ARHGEF19: variants seen among roughly 807,000 people sequenced by gnomAD.
ARHGEF19 encodes the protein Rho guanine nucleotide exchange factor 19.
In ARHGEF19, 92 loss-of-function variants were observed where a neutral mutation model predicts 87.6. The ratio of observed to expected loss-of-function variants is 1.05; its 90% confidence interval spans 0.89 to 1.25. The LOEUF (loss-of-function observed/expected upper bound fraction) is 1.25, where lower values mean the gene tolerates loss of function less well. Among genes scored for constraint, ARHGEF19 ranks in the 50% most tolerant of loss-of-function variants. The pLI is 0.00. For missense variants in ARHGEF19, 1,054 were observed against 1,051.8 expected, an observed-to-expected ratio of 1.00 and a Z score of -0.03; for synonymous variants, 438 against 446.2, an observed-to-expected ratio of 0.98 and a Z score of 0.23.
Position 16,206,520 on chromosome 1 carries a change from G to A in ARHGEF19, c.1138-180C>T. ...CGTCCCGCCGCGGGAAATTGTGCAA[G>A]CCTTTCCTGTCCTCGATCCCGCCCC... On this transcript the variant is annotated intron_variant, in intron 6 of 15. Transcript: ENST00000270747. This position sits in a 1 kb window ranked among gnomAD's most constrained non-coding sequence, Gnocchi z 4.6. The A allele has an allele frequency of 1.5e-6, 1 of 670,754 alleles. No homozygotes were observed. The highest frequency in any genetic ancestry group is 2.6e-6 in the Non-Finnish European group (1 of 388,606). 41.6% of individuals were successfully genotyped at this position (670,754 alleles called of 1,614,324 possible). A position where few individuals can be genotyped will look rare whatever the true frequency, so the allele number is the denominator to read the frequency against.
Position 16,207,137 on chromosome 1 carries a change from G to T in ARHGEF19, c.948C>A (p.Gly316=). The T allele has an allele frequency of 6.5e-7, 1 of 1,527,124 alleles. No homozygotes were observed. Among genetic ancestry groups the T allele is most frequent in the Non-Finnish European group, 8.8e-7 (1 of 1,140,898 alleles). 94.6% of individuals were successfully genotyped at this position (1,527,124 alleles called of 1,614,324 possible). ...ELRRQQREEE[G]PGDEAEGAEE... ...CTGCGCCCTCGGCCTCGTCCCCCGGGCCCTCCTCCTCGCGCTGCTGCCGCC... is the reference window on the plus strand; with the variant it reads ...CTGCGCCCTCGGCCTCGTCCCCCGGTCCCTCCTCCTCGCGCTGCTGCCGCC... The change falls in exon 6 of 16, where the codon GGC becomes GGA. Residue 316 remains glycine, a synonymous_variant. Transcript: ENST00000270747. This position sits in a 1 kb window ranked among gnomAD's most constrained non-coding sequence, Gnocchi z 4.0.
At position 16,204,752 on chromosome 1, in the gene ARHGEF19, G is replaced by A. The variant is rs199623972; in HGVS notation, c.1907+7C>T. On this transcript the variant is annotated splice_region_variant and intron_variant, in intron 12 of 15. Coordinates refer to ENST00000270747, the MANE Select transcript of ARHGEF19 (RefSeq NM_153213.5). ...TTACCTACCCACCCCTGACTGCCCC[G>A]ACTCACTCCTTCCGCCGAGAGAGCA... The A allele has an allele frequency of 1.1e-4, 167 of 1,585,298 alleles. 1 individual carries two copies. In the East Asian group the frequency reaches 2.7e-3, roughly 25 times the overall value.
rs141643788 is a variant in ARHGEF19 at position 16,198,636 on chromosome 1, T to C, written c.2360A>G (p.Asn787Ser). ...LSARLRNLRENKRVTSATSKL... is the reference protein window; with the variant it reads ...LSARLRNLRESKRVTSATSKL... The stretch of plus-strand genomic sequence containing the variant: ...GCTGGTGGCACTTGTGACTCGCTTA[T>C]TCTCCCGGAGGTTTCGGAGGCGGGC... Residue 787 changes from asparagine to serine, a missense_variant, in exon 16 of 16, where the codon AAT becomes AGT. Asn to Ser is a conservative substitution (Grantham distance 46). Coordinates refer to ENST00000270747, the MANE Select transcript of ARHGEF19 (RefSeq NM_153213.5). This position sits in a 1 kb window ranked among gnomAD's most constrained non-coding sequence, Gnocchi z 4.1. 89 of 1,613,682 alleles carry C rather than the reference T, an allele frequency of 5.5e-5. No individual in the cohort carries two copies. The Middle Eastern group carries it at 8.3e-4, about 15-fold the overall frequency.
rs1569720204 is a variant in ARHGEF19, at chr1:16,209,103, A to C, written c.-29-20T>G. The C allele has an allele frequency of 1.4e-6, 2 of 1,407,392 alleles. No individual in the cohort carries two copies. Among genetic ancestry groups the C allele is most frequent in the Non-Finnish European group, 1.8e-6 (2 of 1,083,128 alleles). 87.2% of individuals were successfully genotyped at this position (1,407,392 alleles called of 1,614,324 possible). ...CTGGCCCTGCAGAAGAGAAGATATC[A>C]GACCTAGACAGAGGACAGTGGGGCT... On this transcript the variant is annotated intron_variant, in intron 1 of 15. Coordinates refer to ENST00000270747, the MANE Select transcript of ARHGEF19 (RefSeq NM_153213.5).
intron 1 of ARHGEF19, among the ~76,000 whole-genome samples, chr1:16,211,647 G>A (rs1476692468): frequency 1.3e-5 from 2 of 152,186 alleles, no homozygotes; most frequent in Non-Finnish European, 2.9e-5. Flanking sequence ...TCAAGCCAAG[G>A]GGTAATAAGA....
At position 16,208,242 on chromosome 1, in the gene ARHGEF19, G is replaced by A; in HGVS notation, c.413-17C>T. ...TCTTGCGCCCTAGGGTTGGGGGCAA[G>A]GAGTGAGAGCACGGGCTGGGGTCTC... is the stretch of plus-strand genomic sequence containing the variant. On this transcript the variant is annotated splice_polypyrimidine_tract_variant and intron_variant, in intron 2 of 15. Coordinates refer to ENST00000270747, the MANE Select transcript of ARHGEF19 (RefSeq NM_153213.5). The A allele has an allele frequency of 6.2e-7, 1 of 1,607,248 alleles. No homozygotes were observed. The highest frequency in any genetic ancestry group is 8.5e-7 in the Non-Finnish European group (1 of 1,175,930).
intron 12 of ARHGEF19, 95 bp downstream of exon 12, chr1:16,204,664 C>A: frequency 7.0e-7 from 1 of 1,424,586 alleles, no homozygotes; most frequent in East Asian, 2.4e-5. Context: ...GCAGGGACTC[C>A]CAGGCCCAGG....
intron 1 of ARHGEF19, among the ~76,000 whole-genome samples, chr1:16,211,312 C>T (rs944947075): frequency 1.3e-5 from 2 of 152,084 alleles, no homozygotes; most frequent in African/African-American, 4.8e-5. Flanking sequence ...CAGAAGTCCT[C>T]GACACAGAAG....
intron 14 of ARHGEF19, among the ~76,000 whole-genome samples, chr1:16,200,744 A>G (rs1437037435): frequency 1.3e-5 from 1 of 77,732 alleles, no homozygotes; most frequent in Non-Finnish European, 2.7e-5. Context: ...ACTCTGTCTC[A>G]AAAAAAAAAA....
rs1557542339 is a variant in ARHGEF19, at chr1:16,207,864, C to CCTGA, written c.694+79_694+80insTCAG. The CCTGA allele has an allele frequency of 1.1e-3, 1,742 of 1,584,182 alleles. 19 individuals are homozygous for CCTGA. In the African/African-American group the frequency reaches 0.022, roughly 20 times the overall value. Reference sequence around the variant, plus strand: ...GCCCAGGCACCCTGACGGCCTCAGGCGGCCGGTGAGTGGGCATCGCCCACC... The same window carrying CCTGA: ...GCCCAGGCACCCTGACGGCCTCAGGCCTGAGGCCGGTGAGTGGGCATCGCCCACC... On this transcript the variant is annotated intron_variant, in intron 3 of 15. Coordinates refer to ENST00000270747, the MANE Select transcript of ARHGEF19 (RefSeq NM_153213.5). The surrounding 1 kb of genome is among the most constrained non-coding windows in gnomAD (Gnocchi z 4.0).
intron 2 of ARHGEF19, 83 bp from the exon 3 acceptor site, chr1:16,208,308 C>T (rs1216916511): frequency 2.0e-6 from 3 of 1,486,096 alleles, no homozygotes; most frequent in Non-Finnish European, 2.7e-6. Context: ...CCCTGAGCAC[C>T]TGGGGAGGTT....
At chr1:16,200,794 G>A (rs991633808) in intron 14 of ARHGEF19, among the ~76,000 whole-genome samples, 8 of 151,802 alleles carry the variant, frequency 5.3e-5, no homozygotes, top group African/African-American at 1.9e-4. Context: ...CCAGCTACTC[G>A]CAAGGCTAAG....
intron 13 of ARHGEF19, 42 bp from the exon 14 acceptor site, chr1:16,201,903 C>T: frequency 6.2e-7 from 1 of 1,600,120 alleles, no homozygotes; most frequent in East Asian, 2.2e-5. Context: ...ATGCAAAGTG[C>T]AGTTGCCCAG....
At position 16,207,155 on chromosome 1, in the gene ARHGEF19, C is replaced by T; in HGVS notation, c.930G>A (p.Gln310=). ...CCCCCGGGCCCTCCTCCTCGCGCTG[C>T]TGCCGCCGCAGTTCGCGGGCGCTGG... ...DVASARELRR[Q]QREEEGPGDE... The change falls in exon 6 of 16, where the codon CAG becomes CAA. Residue 310 remains glutamine, a synonymous_variant. Transcript: ENST00000270747. This position sits in a 1 kb window ranked among gnomAD's most constrained non-coding sequence, Gnocchi z 4.0. The T allele has an allele frequency of 6.5e-7, 1 of 1,530,356 alleles. No individual in the cohort carries two copies. Among genetic ancestry groups the T allele is most frequent in the Non-Finnish European group, 8.8e-7 (1 of 1,142,460 alleles). 94.8% of individuals were successfully genotyped at this position (1,530,356 alleles called of 1,614,324 possible). A position where few individuals can be genotyped will look rare whatever the true frequency, so the allele number is the denominator to read the frequency against.
rs986323828 is a variant in ARHGEF19, at chr1:16,207,272, T to G, written c.875-62A>C. The G allele has an allele frequency of 2.2e-4, 326 of 1,459,546 alleles. No individual in the cohort carries two copies. Among genetic ancestry groups the G allele is most frequent in the Non-Finnish European group, 2.8e-4 (311 of 1,111,802 alleles). 90.4% of individuals were successfully genotyped at this position (1,459,546 alleles called of 1,614,324 possible). A position where few individuals can be genotyped will look rare whatever the true frequency, so the allele number is the denominator to read the frequency against. On this transcript the variant is annotated intron_variant, in intron 5 of 15. Transcript: ENST00000270747. The surrounding 1 kb of genome is among the most constrained non-coding windows in gnomAD (Gnocchi z 4.0). ...CCGCCAGCCCCTGCCCGGCTTTTCC[T>G]CGGTTCCCTCAAGAGCCCGCGTCAC... is the stretch of plus-strand genomic sequence containing the variant.
In ARHGEF19 at chr1:16,208,974, G is replaced by GCA. The variant is rs1329690075; in HGVS notation, c.79_80dup (p.Gln28AlafsTer14). 1.9e-6 allele frequency: 3 copies of GCA among 1,550,380 alleles called. No homozygotes were observed. The highest frequency in any genetic ancestry group is 2.3e-5 in the East Asian group (1 of 43,912). On this transcript the variant is annotated frameshift_variant, in exon 2 of 16. Coordinates refer to ENST00000270747, the MANE Select transcript of ARHGEF19 (RefSeq NM_153213.5). LOFTEE classifies it high-confidence loss of function. The stretch of plus-strand genomic sequence containing the variant: ...CTGCAAAGGACAGACTCTCCTGCTG[G>GCA]CACACTGCTACAGGGTGGTGGGCAG...
In ARHGEF19 at chr1:16,207,254, C is replaced by T; in HGVS notation, c.875-44G>A. The T allele has an allele frequency of 6.8e-7, 1 of 1,468,300 alleles. No homozygotes were observed. Among genetic ancestry groups the T allele is most frequent in the Non-Finnish European group, 9.0e-7 (1 of 1,115,386 alleles). The allele number at this position is 1,468,300 out of a possible 1,614,324, so 91.0% of individuals were successfully genotyped here. Reference sequence around the variant, plus strand: ...GGGGAGAGCGTGGGGCGCCCGCCAGCCCCTGCCCGGCTTTTCCTCGGTTCC... The same window carrying T: ...GGGGAGAGCGTGGGGCGCCCGCCAGTCCCTGCCCGGCTTTTCCTCGGTTCC... On this transcript the variant is annotated intron_variant, in intron 5 of 15. Coordinates refer to ENST00000270747, the MANE Select transcript of ARHGEF19 (RefSeq NM_153213.5). This position sits in a 1 kb window ranked among gnomAD's most constrained non-coding sequence, Gnocchi z 4.0.
At chr1:16,199,437 C>A (rs912565082) in intron 14 of ARHGEF19, among the ~76,000 whole-genome samples, 183 bp from the exon 15 acceptor site, 2 of 152,054 alleles carry the variant, frequency 1.3e-5, no homozygotes, top group African/African-American at 2.4e-5. Flanking sequence ...CTCTGCCCAC[C>A]CTGGCCTATC....
rs139312017 is a variant in ARHGEF19 at position 16,207,559 on chromosome 1, G to T, written c.837C>A (p.Ser279Arg). ...TQEEPPLGSRSTNERRQSRFL... is the reference protein window; with the variant it reads ...TQEEPPLGSRRTNERRQSRFL... ...ATCGAGACTGGCGCCGCTCGTTGGT[G>T]CTCCTGGACCCCAAAGGCGGCTCTT... Residue 279 changes from serine (S) to arginine (R), a missense_variant, in exon 5 of 16, where the codon AGC (serine) becomes AGA (arginine). Ser to Arg is a moderately radical substitution (Grantham distance 110). Coordinates refer to ENST00000270747, the MANE Select transcript of ARHGEF19 (RefSeq NM_153213.5). This position sits in a 1 kb window ranked among gnomAD's most constrained non-coding sequence, Gnocchi z 4.0. The T allele has an allele frequency of 1.2e-6, 2 of 1,613,880 alleles. No homozygotes were observed. Among genetic ancestry groups the T allele is most frequent in the Non-Finnish European group, 8.5e-7 (1 of 1,180,002 alleles).
Sources: allele counts gnomAD v4.1 joint callset (sites outside exome capture counted in the v4.1 genomes callset), GRCh38; gene constraint gnomAD v4.1.1; non-coding constraint Gnocchi (gnomAD v3.1); transcripts MANE v1.5; gene names NCBI Gene and HGNC (gene_info 2026-07-23, HGNC 2026-07-21).